BAALC: variants seen among roughly 807,000 people sequenced by gnomAD.
BAALC encodes brain and acute leukemia cytoplasmic protein.
A neutral mutation model predicts 15.5 loss-of-function variants in BAALC; 9 were observed. The observed-to-expected ratio is 0.58, with a 90% CI of 0.35 to 1.02. The LOEUF (loss-of-function observed/expected upper bound fraction) is 1.02, where lower values mean the gene tolerates loss of function less well. Among genes scored for constraint, BAALC ranks in the 50% least tolerant of loss-of-function variants. BAALC has a pLI of 0.02. For synonymous variants in BAALC, 80 were observed against 74.6 expected (o/e 1.07, Z -0.37); for missense variants, 201 against 192.4 (o/e 1.04, Z -0.27).
At chr8:103,145,080 A>T (rs891211918) in intron 1 of BAALC, among the ~76,000 whole-genome samples, 3 of 152,214 alleles carry the variant, frequency 2.0e-5, no homozygotes, top group African/African-American at 7.2e-5. Flanking sequence ...TTAATAGGGG[A>T]TATGCTATGA....
At chr8:103,182,335 T>C (rs1327041833) in intron 1 of BAALC, among the ~76,000 whole-genome samples, 1 of 152,226 alleles carries the variant, frequency 6.6e-6, no homozygotes, top group Admixed American at 6.5e-5. Flanking sequence ...TTGATTCAGC[T>C]GCTCTTTTGC....
rs561078981 is a variant in BAALC at position 103,189,917 on chromosome 8, A to G, written c.161-23002A>G. Among the ~76,000 whole-genome samples the G allele has an allele frequency of 3.9e-5, 6 of 152,272 alleles. No individual in the cohort carries two copies. The South Asian group carries it at 1.2e-3, about 32-fold the overall frequency. On this transcript the variant is annotated intron_variant, in intron 1 of 2. Coordinates refer to ENST00000309982, the MANE Select transcript of BAALC (RefSeq NM_024812.3). ...GGATGTGCTAGACAGTGGGGAAGAG[A>G]CTGGAGTCAAGGAGGCCAGCTGGAG...
intron 1 of BAALC, among the ~76,000 whole-genome samples, chr8:103,193,537 G>A (rs1008557434): frequency 6.6e-6 from 1 of 152,188 alleles, no homozygotes; most frequent in Non-Finnish European, 1.5e-5. Flanking sequence ...CCCTGACCGT[G>A]TGTCAGCTCA....
intron 1 of BAALC, among the ~76,000 whole-genome samples, chr8:103,143,666 T>A (rs1200218206): frequency 2.0e-5 from 3 of 152,162 alleles, no homozygotes; most frequent in African/African-American, 7.2e-5. Flanking sequence ...CCTTAGTGAT[T>A]CTCCTTTGGT....
chr8:103,197,940 A>C (rs1179036491), intron 1 of BAALC, among the ~76,000 whole-genome samples: 1 of 152,214 alleles, frequency 6.6e-6, no homozygotes, highest in Non-Finnish European at 1.5e-5. Flanking sequence ...TATCAAAACT[A>C]TATCAGCCTT....
At chr8:103,145,053 A>G (rs1471752957) in intron 1 of BAALC, among the ~76,000 whole-genome samples, 1 of 152,208 alleles carries the variant, frequency 6.6e-6, no homozygotes, top group Non-Finnish European at 1.5e-5. Flanking sequence ...CTCTACTCCT[A>G]AATACTGCCT....
At chr8:103,198,217 T>A in intron 1 of BAALC, 1 of 676,046 alleles carries the variant, frequency 1.5e-6, no homozygotes, top group Non-Finnish European at 2.7e-6. Flanking sequence ...TTGATTCCTA[T>A]GTGGTGTTTC....
At chr8:103,182,902 T>A (rs1049058625) in intron 1 of BAALC, among the ~76,000 whole-genome samples, 3 of 152,156 alleles carry the variant, frequency 2.0e-5, no homozygotes, top group African/African-American at 7.2e-5. Flanking sequence ...CTTCCAGGAC[T>A]TCTTCCCCAT....
chr8:103,209,622 C>A (rs1241075281), intron 1 of BAALC, among the ~76,000 whole-genome samples: 2 of 152,168 alleles, frequency 1.3e-5, no homozygotes, highest in Admixed American at 1.3e-4. Context: ...AGCCTCAGCC[C>A]TCCTTCAGAA....
chr8:103,165,062 C>T (rs1231572233), intron 1 of BAALC, among the ~76,000 whole-genome samples: 1 of 152,338 alleles, frequency 6.6e-6, no homozygotes, highest in East Asian at 1.9e-4. Flanking sequence ...TGGGGCATGG[C>T]TCCATGGACA....
In BAALC at chr8:103,192,641, G is replaced by T. The variant is rs935984940; in HGVS notation, c.161-20278G>T. Among the ~76,000 whole-genome samples, 28 of 152,316 alleles carry T rather than the reference G, an allele frequency of 1.8e-4. No individual in the cohort carries two copies. The East Asian group carries it at 3.3e-3, about 18-fold the overall frequency. On this transcript the variant is annotated intron_variant, in intron 1 of 2. Coordinates refer to ENST00000309982, the MANE Select transcript of BAALC (RefSeq NM_024812.3). ...AGAGATTTCCAATTCGGTGAGTCCAGCTGGGAAGATAATACATTTAGATGG... is the reference window on the plus strand; with the variant it reads ...AGAGATTTCCAATTCGGTGAGTCCATCTGGGAAGATAATACATTTAGATGG...
chr8:103,197,745 G>A (rs1451205675), intron 1 of BAALC, among the ~76,000 whole-genome samples: 1 of 152,164 alleles, frequency 6.6e-6, no homozygotes, highest in Non-Finnish European at 1.5e-5. Flanking sequence ...GCAAGAGCGG[G>A]AGAAAGAGTG....
intron 1 of BAALC, among the ~76,000 whole-genome samples, chr8:103,151,077 G>T (rs1386032125): frequency 6.6e-6 from 1 of 151,218 alleles, no homozygotes. Flanking sequence ...GAGTGCAGTG[G>T]CTCAATCTTA....
intron 1 of BAALC, among the ~76,000 whole-genome samples, chr8:103,178,240 G>A (rs1188933247): frequency 6.6e-6 from 1 of 152,198 alleles, no homozygotes; most frequent in East Asian, 1.9e-4. Flanking sequence ...CAGCTCAAAA[G>A]AGAATATGAG....
Position 103,179,360 on chromosome 8 carries a change from C to T in BAALC, c.161-33559C>T, listed in dbSNP as rs111817973. Among the ~76,000 whole-genome samples, 1,198 of 152,288 alleles carry T rather than the reference C, an allele frequency of 7.9e-3. 16 individuals carry two copies. The highest frequency in any genetic ancestry group is 0.027 in the African/African-American group (1,117 of 41,546). On this transcript the variant is annotated intron_variant, in intron 1 of 2. Coordinates refer to ENST00000309982, the MANE Select transcript of BAALC (RefSeq NM_024812.3). ...GAGCCCCAGAACACCTTTAGGTGAG[C>T]TTGTTGGGAAGTGCTCCTAGCATAA...
At chr8:103,142,518 G>C (rs753654561) in intron 1 of BAALC, among the ~76,000 whole-genome samples, 1 of 152,182 alleles carries the variant, frequency 6.6e-6, no homozygotes, top group Non-Finnish European at 1.5e-5. Context: ...ATGTGACAGG[G>C]TTTCCCAAGG....
chr8:103,155,446 AGCTGGGATG>A (rs551765341), intron 1 of BAALC, among the ~76,000 whole-genome samples: 2 of 152,310 alleles, frequency 1.3e-5, no homozygotes, highest in South Asian at 4.1e-4. Context: ...GGAGCTCTGG[AGCTGGGATG>A]GCCATTCAGC....
At chr8:103,200,492 A>G (rs1220727484) in intron 1 of BAALC, among the ~76,000 whole-genome samples, 4 of 152,218 alleles carry the variant, frequency 2.6e-5, no homozygotes, top group African/African-American at 7.2e-5. Flanking sequence ...AAAAACAAAC[A>G]AAAACAACCA....
intron 1 of BAALC, among the ~76,000 whole-genome samples, chr8:103,188,523 A>G (rs1811896492): frequency 6.6e-6 from 1 of 152,218 alleles, no homozygotes; most frequent in Admixed American, 6.5e-5. Flanking sequence ...AGGAATCACT[A>G]ATGAAGAATG....
Sources: gnomAD v4.1 joint callset for allele counts (sites outside exome capture counted in the v4.1 genomes callset) on GRCh38, gnomAD v4.1.1 for gene constraint, MANE v1.5 for transcripts, NCBI Gene and HGNC (gene_info 2026-07-23, HGNC 2026-07-21) for gene names.